Variants in VIRMA observed in about 807,000 individuals in gnomAD.
VIRMA encodes protein virilizer homolog.
Under a neutral mutation model 182.4 loss-of-function variants are expected in VIRMA, and 65 were observed. That is an observed-to-expected ratio of 0.36 (90% CI 0.29 to 0.44). VIRMA has a LOEUF of 0.44. Among genes scored for constraint, VIRMA ranks in the 20% least tolerant of loss-of-function variants. The probability of loss-of-function intolerance (pLI) is 1.00; values close to 1 mark genes in which losing one functional copy is unlikely to be tolerated. For missense variants in VIRMA, 1,752 were observed against 2,158.1 expected (o/e 0.81, Z 3.73); for synonymous variants, 709 against 743.1 (o/e 0.95, Z 0.75).
intron 1 of VIRMA, among the ~76,000 whole-genome samples, chr8:94,552,442 A>G (rs1171568870): frequency 6.6e-6 from 1 of 152,226 alleles, no homozygotes; most frequent in African/African-American, 2.4e-5. Flanking sequence ...AAGAGAAATT[A>G]TATCTGTCCT....
Position 94,526,767 on chromosome 8 carries a change from C to G in VIRMA, c.1477G>C (p.Asp493His). Residue 493 changes from aspartate to histidine, a missense_variant, in exon 8 of 24, where the codon GAT becomes CAT. Asp to His is a moderately conservative substitution (Grantham distance 81, BLOSUM62 -1). Transcript: ENST00000297591. ...AACTTAAGAGAAGATGATACGTGATCAGCAAACAGAAGTTCAAATAATCCA... is the reference window on the plus strand; with the variant it reads ...AACTTAAGAGAAGATGATACGTGATGAGCAAACAGAAGTTCAAATAATCCA... ...ISGLFELLFA[D>H]HVSSSLKLNA... 6.2e-7 allele frequency: 1 copy of G among 1,614,022 alleles called. No homozygotes were observed. Among genetic ancestry groups the G allele is most frequent in the South Asian group, 1.1e-5 (1 of 91,082 alleles).
chr8:94,516,414 C>G (rs1185349845), intron 10 of VIRMA, among the ~76,000 whole-genome samples: 1 of 152,098 alleles, frequency 6.6e-6, no homozygotes, highest in Non-Finnish European at 1.5e-5. Context: ...CAAACAAACT[C>G]AAAACTCTCC....
At chr8:94,503,061 C>T (rs536259528) in intron 16 of VIRMA, among the ~76,000 whole-genome samples, 6 of 151,930 alleles carry the variant, frequency 3.9e-5, no homozygotes, top group Non-Finnish European at 7.4e-5. Context: ...ACAACTCTTC[C>T]TTATGGAAGG....
chr8:94,492,952 T>C (rs1813653251), intron 20 of VIRMA, 134 bp from the exon 21 acceptor site: 1 of 755,424 alleles, frequency 1.3e-6, no homozygotes, highest in Non-Finnish European at 2.1e-6. Context: ...ACCTCTTTCA[T>C]CTTTTCAAAA....
intron 5 of VIRMA, among the ~76,000 whole-genome samples, chr8:94,534,605 T>C (rs1815273107): frequency 6.6e-6 from 1 of 150,884 alleles, no homozygotes. Context: ...TTCTCCCTCT[T>C]GCCTCCTCTT....
At chr8:94,496,219 C>T (rs2289456) in intron 18 of VIRMA, 109 bp downstream of exon 18, 159,932 of 903,524 alleles carry the variant, frequency 0.18, 15,607 homozygotes, top group South Asian at 0.29. Context: ...ATGGTACAAA[C>T]ACCCAGCTAA....
At chr8:94,541,454 A>G (rs1490751292) in intron 2 of VIRMA, among the ~76,000 whole-genome samples, 1 of 152,152 alleles carries the variant, frequency 6.6e-6, no homozygotes, top group Non-Finnish European at 1.5e-5. Flanking sequence ...TAAATTTTAT[A>G]ATGAGAAAAA....
At chr8:94,536,611 T>C (rs1281770805) in intron 4 of VIRMA, among the ~76,000 whole-genome samples, 1 of 152,216 alleles carries the variant, frequency 6.6e-6, no homozygotes, top group Non-Finnish European at 1.5e-5. Context: ...AAGAGCTTTA[T>C]AGGTAGAGAA....
At chr8:94,528,247 A>G (rs555656165) in intron 7 of VIRMA, among the ~76,000 whole-genome samples, 21 of 151,774 alleles carry the variant, frequency 1.4e-4, no homozygotes, top group Admixed American at 2.6e-4. Flanking sequence ...AAAAAAAAAA[A>G]AAAGAAAGAA....
intron 15 of VIRMA, among the ~76,000 whole-genome samples, chr8:94,508,496 G>A (rs902188844): frequency 3.9e-5 from 6 of 152,028 alleles, no homozygotes; most frequent in Non-Finnish European, 5.9e-5. Context: ...AACAAGGCTC[G>A]AATCAGAAGG....
Position 94,491,919 on chromosome 8 carries a change from C to T in VIRMA, c.4809-10G>A, listed in dbSNP as rs779790729. The T allele has an allele frequency of 6.0e-6, 9 of 1,506,562 alleles. No individual in the cohort carries two copies. Among genetic ancestry groups the T allele is most frequent in the South Asian group, 1.4e-5 (1 of 73,636 alleles). 93.3% of individuals were successfully genotyped at this position (1,506,562 alleles called of 1,614,324 possible). A position where few individuals can be genotyped will look rare whatever the true frequency, so the allele number is the denominator to read the frequency against. ...GTATTCAGATTTTCCACTATTAAAA[C>T]AAAAACATGCCATAAAACATTTTTC... On this transcript the variant is annotated splice_polypyrimidine_tract_variant and intron_variant, in intron 21 of 23. Coordinates refer to ENST00000297591, the MANE Select transcript of VIRMA (RefSeq NM_015496.5).
Position 94,519,363 on chromosome 8 carries a change from G to A in VIRMA, c.2135C>T (p.Ala712Val). The part of the protein sequence containing the change: ...QATKDVLKFL[A>V]QSQKGLLFFM... ...AAAAAGAAGACCCTTCTGTGACTGTGCAAGAAACTTCAAAACATCTTTTGT... is the reference window on the plus strand; with the variant it reads ...AAAAAGAAGACCCTTCTGTGACTGTACAAGAAACTTCAAAACATCTTTTGT... Residue 712 changes from alanine (A) to valine (V), a missense_variant, in exon 9 of 24, where the codon GCA becomes GTA. Physicochemically the swap from Ala to Val is moderately conservative, Grantham distance 64. Coordinates refer to ENST00000297591, the MANE Select transcript of VIRMA (RefSeq NM_015496.5). 6.3e-7 allele frequency: 1 copy of A among 1,585,596 alleles called. No individual in the cohort carries two copies. The highest frequency in any genetic ancestry group is 1.7e-4 in the Middle Eastern group (1 of 5,902).
At chr8:94,494,540 TGA>T (rs1489297591) in intron 20 of VIRMA, among the ~76,000 whole-genome samples, 1 of 127,858 alleles carries the variant, frequency 7.8e-6, no homozygotes, top group Non-Finnish European at 1.5e-5. Flanking sequence ...TGCAGTGAGC[TGA>T]GATTGTGCCA....
At position 94,519,481 on chromosome 8, in the gene VIRMA, G is replaced by A; in HGVS notation, c.2022-5C>T. The stretch of plus-strand genomic sequence containing the variant: ...AAGTGATGACTGTGAAGATATCTGT[G>A]GAAGAGTTAATTGATACATGTCAAG... On this transcript the variant is annotated splice_polypyrimidine_tract_variant and splice_region_variant and intron_variant, in intron 8 of 23. Coordinates refer to ENST00000297591, the MANE Select transcript of VIRMA (RefSeq NM_015496.5). 1 of 1,519,000 alleles carries A rather than the reference G, an allele frequency of 6.6e-7. No homozygotes were observed. The highest frequency in any genetic ancestry group is 1.4e-5 in the South Asian group (1 of 73,894). 94.1% of individuals were successfully genotyped at this position (1,519,000 alleles called of 1,614,324 possible).
rs912063186 is a variant in VIRMA at position 94,515,868 on chromosome 8, C to T, written c.2669-917G>A. The stretch of plus-strand genomic sequence containing the variant: ...ATACCAGCACTTTGGGAGGCTGAGG[C>T]GGGTGGATCACGAGATCGACAGATG... On this transcript the variant is annotated intron_variant, in intron 10 of 23. Transcript: ENST00000297591. Among the ~76,000 whole-genome samples, 4 of 151,812 alleles carry T rather than the reference C, an allele frequency of 2.6e-5. No individual in the cohort carries two copies. In the East Asian group the frequency reaches 7.8e-4, roughly 30 times the overall value.
At position 94,526,962 on chromosome 8, in the gene VIRMA, G is replaced by A; in HGVS notation, c.1282C>T (p.Leu428Phe). 1.2e-6 allele frequency: 2 copies of A among 1,614,194 alleles called. No individual in the cohort carries two copies. The highest frequency in any genetic ancestry group is 1.7e-6 in the Non-Finnish European group (2 of 1,180,002). The change falls in exon 8 of 24, where the codon CTT becomes TTT. Residue 428 changes from leucine to phenylalanine, a missense_variant. Around this residue, in one of 11 missense-constraint regions of VIRMA, gnomAD observed 401 missense variants for 455.1 expected, o/e 0.88. Coordinates refer to ENST00000297591, the MANE Select transcript of VIRMA (RefSeq NM_015496.5). ...ATGGTCCAGTCTACCAACTGGCCAA[G>A]GGAGTCTTGTTTTGTGTTTTTCAAT... ...LQLKNTKQDS[L>F]GQLVDWTMQA...
chr8:94,532,563 T>C (rs1433756218), intron 5 of VIRMA, among the ~76,000 whole-genome samples: 1 of 152,196 alleles, frequency 6.6e-6, no homozygotes, highest in Non-Finnish European at 1.5e-5. Context: ...GGTTTTGATA[T>C]TGTACTATAT....
chr8:94,527,504 C>G, intron 7 of VIRMA, 141 bp from the exon 8 acceptor site: 2 of 547,674 alleles, frequency 3.7e-6, no homozygotes, highest in Non-Finnish European at 6.2e-6. Context: ...ACATCTTACC[C>G]ACAATTTTAC....
intron 16 of VIRMA, among the ~76,000 whole-genome samples, chr8:94,500,266 G>A (rs931809127): frequency 6.6e-6 from 1 of 152,064 alleles, no homozygotes; most frequent in Non-Finnish European, 1.5e-5. Flanking sequence ...AGGCGTAGTG[G>A]TGCACGCCTG....
Sources: gnomAD v4.1 joint callset for allele counts (sites outside exome capture counted in the v4.1 genomes callset) on GRCh38, gnomAD v4.1.1 for gene constraint, gnomAD v4.1.1 regional missense constraint, MANE v1.5 for transcripts, NCBI Gene and HGNC (gene_info 2026-07-23, HGNC 2026-07-21) for gene names.